The following NALCN variants were observed in gnomAD, a reference collection of about 807,000 sequenced individuals.
The protein encoded by NALCN is sodium leak channel NALCN.
NALCN carries 111 observed loss-of-function variants against 225.3 expected under a neutral mutation model. That is an observed-to-expected ratio of 0.49 (90% confidence interval 0.42 to 0.58). The LOEUF is 0.58. NALCN is among the 20% of genes least tolerant of loss of function. The pLI, the probability that NALCN is intolerant of heterozygous loss-of-function variation, is 0.00. For synonymous variants in NALCN, 764 were observed against 769.0 expected, an observed-to-expected ratio of 0.99 and a Z score of 0.11; for missense variants, 1,378 against 2,202.4, an observed-to-expected ratio of 0.63 and a Z score of 7.49.
chr13:101,269,921 T>C (rs1166805168), intron 10 of NALCN, among the ~76,000 whole-genome samples: 4 of 152,192 alleles, frequency 2.6e-5, no homozygotes, highest in Non-Finnish European at 1.5e-5. Context: ...CTTGCTTACT[T>C]GGCTGGACAT....
At position 101,406,944 on chromosome 13, in the gene NALCN, G is replaced by A. The variant is rs1022017526; in HGVS notation, c.-39-7779C>T. ...ACTTCCTAGAGTTAGTTTTAGTCTC[G>A]TAATTTCTTGACTGACTAGGCTAAG... On this transcript the variant is annotated intron_variant, in intron 1 of 43. Transcript: ENST00000251127. 2.0e-4 allele frequency among the ~76,000 whole-genome samples: 30 copies of A among 152,012 alleles called. 1 individual carries two copies. Among genetic ancestry groups the A allele is most frequent in the Admixed American group, 1.4e-3 (22 of 15,266 alleles).
chr13:101,328,152 T>C (rs947844347), intron 7 of NALCN, among the ~76,000 whole-genome samples: 8 of 152,212 alleles, frequency 5.3e-5, no homozygotes, highest in Admixed American at 4.6e-4. Context: ...TGCCAGGACA[T>C]AGCGTCTCAG....
chr13:101,109,665 G>A (rs895214708), intron 20 of NALCN, among the ~76,000 whole-genome samples: 2 of 152,044 alleles, frequency 1.3e-5, no homozygotes, highest in Non-Finnish European at 2.9e-5. Context: ...TTTTACCAGG[G>A]CTTCATAATT....
chr13:101,311,773 T>A (rs1407778093), intron 7 of NALCN, among the ~76,000 whole-genome samples: 2 of 152,118 alleles, frequency 1.3e-5, no homozygotes, highest in Admixed American at 6.5e-5. Context: ...AGTATTTTAT[T>A]GAGGATTTTT....
intron 1 of NALCN, among the ~76,000 whole-genome samples, chr13:101,400,585 G>GCA (rs2047446453): frequency 1.7e-5 from 2 of 120,366 alleles, no homozygotes; most frequent in African/African-American, 4.7e-5. Context: ...GTGTGTGCAC[G>GCA]TGTGTGCGCG....
intron 9 of NALCN, among the ~76,000 whole-genome samples, chr13:101,286,652 G>A (rs1371284145): frequency 1.3e-5 from 2 of 152,080 alleles, no homozygotes; most frequent in Admixed American, 1.3e-4. Flanking sequence ...CCTTGCAACT[G>A]AATGTAACTT....
intron 7 of NALCN, among the ~76,000 whole-genome samples, chr13:101,338,913 T>C (rs985249001): frequency 6.6e-6 from 1 of 152,232 alleles, no homozygotes; most frequent in Admixed American, 6.5e-5. Flanking sequence ...CGGAGTTCTC[T>C]GTAATTCTAA....
At chr13:101,384,962 A>T (rs9513885) in intron 3 of NALCN, among the ~76,000 whole-genome samples, 31 of 152,230 alleles carry the variant, frequency 2.0e-4, no homozygotes, top group Non-Finnish European at 3.8e-4. Flanking sequence ...TTCTCTCCCC[A>T]GCTGTGCATC....
chr13:101,110,532 G>A (rs2035370542), intron 20 of NALCN, 87 bp downstream of exon 20: 10 of 1,399,168 alleles, frequency 7.1e-6, no homozygotes, highest in Non-Finnish European at 1.0e-5. Context: ...GAATGCAGCA[G>A]AAAGACACTG....
chr13:101,203,224 C>CTT (rs200478892), intron 13 of NALCN, among the ~76,000 whole-genome samples: 2 of 151,838 alleles, frequency 1.3e-5, no homozygotes, highest in African/African-American at 4.8e-5. Flanking sequence ...CCTATGTTTT[C>CTT]TTTTTTTTGA....
At chr13:101,315,731 A>C (rs1376132160) in intron 7 of NALCN, among the ~76,000 whole-genome samples, 1 of 152,190 alleles carries the variant, frequency 6.6e-6, no homozygotes, top group African/African-American at 2.4e-5. Context: ...GAATTGATCT[A>C]ATGGTGTTTC....
chr13:101,387,571 T>C (rs1220263898), intron 3 of NALCN, among the ~76,000 whole-genome samples: 3 of 152,164 alleles, frequency 2.0e-5, no homozygotes, highest in Non-Finnish European at 2.9e-5. Context: ...TATTTGCAAA[T>C]TATTCTGGGT....
chr13:101,126,313 G>A (rs898479361), intron 17 of NALCN, among the ~76,000 whole-genome samples: 7 of 152,106 alleles, frequency 4.6e-5, no homozygotes, highest in Admixed American at 2.6e-4. Flanking sequence ...ATGAAAAACC[G>A]GAATTGGTTT....
At chr13:101,281,190 C>T (rs904981979) in intron 10 of NALCN, among the ~76,000 whole-genome samples, 1 of 152,142 alleles carries the variant, frequency 6.6e-6, no homozygotes, top group South Asian at 2.1e-4. Flanking sequence ...TGCACTAAAA[C>T]CTTCCCTGAC....
chr13:101,347,192 C>T (rs1250451986), intron 6 of NALCN, among the ~76,000 whole-genome samples: 1 of 151,830 alleles, frequency 6.6e-6, no homozygotes, highest in Non-Finnish European at 1.5e-5. Context: ...ACTTTGCCCA[C>T]TTCTCAGCCA....
intron 1 of NALCN, among the ~76,000 whole-genome samples, chr13:101,400,831 G>T (rs1376973133): frequency 6.6e-6 from 1 of 152,106 alleles, no homozygotes; most frequent in Non-Finnish European, 1.5e-5. Context: ...GGAGAGAGGG[G>T]TTGAATTATG....
At chr13:101,127,719 T>C (rs562393646) in intron 17 of NALCN, among the ~76,000 whole-genome samples, 2 of 152,346 alleles carry the variant, frequency 1.3e-5, no homozygotes, top group South Asian at 4.1e-4. Flanking sequence ...TTCTTTCATC[T>C]ACTTATACAT....
intron 2 of NALCN, among the ~76,000 whole-genome samples, chr13:101,396,619 TGA>T (rs2047300865): frequency 6.6e-6 from 1 of 152,094 alleles, no homozygotes; most frequent in African/African-American, 2.4e-5. Flanking sequence ...CATAAGCCAC[TGA>T]TGATTCAGTT....
At chr13:101,081,433 T>G in intron 34 of NALCN, 94 bp downstream of exon 34, 2 of 1,566,218 alleles carry the variant, frequency 1.3e-6, no homozygotes, top group Non-Finnish European at 1.7e-6. Context: ...TCAGAGCAGG[T>G]TGATGTGGAG....
Sources: gnomAD v4.1 joint callset for allele counts (sites outside exome capture counted in the v4.1 genomes callset) on GRCh38, gnomAD v4.1.1 for gene constraint, MANE v1.5 for transcripts, NCBI Gene and HGNC (gene_info 2026-07-23, HGNC 2026-07-21) for gene names.